Variants in PIK3CA observed in about 807,000 individuals in gnomAD.
PIK3CA encodes the protein phosphatidylinositol 4,5-bisphosphate 3-kinase catalytic subunit alpha isoform.
PIK3CA carries 27 observed loss-of-function variants against 138.2 expected under a neutral mutation model. That is an observed-to-expected ratio of 0.20 (90% confidence interval 0.14 to 0.27). The LOEUF (loss-of-function observed/expected upper bound fraction) is 0.27. PIK3CA is among the 10% of genes least tolerant of loss of function. PIK3CA has a pLI of 1.00. For synonymous variants in PIK3CA, 358 were observed against 413.2 expected, an observed-to-expected ratio of 0.87 and a Z score of 1.62; for missense variants, 544 against 1,277.4, an observed-to-expected ratio of 0.43 and a Z score of 8.75.
chr3:179,162,238 C>T (rs780187632), intron 1 of PIK3CA, among the ~76,000 whole-genome samples: 1 of 152,062 alleles, frequency 6.6e-6, no homozygotes. Flanking sequence ...TACACATGCA[C>T]AGATGATAGT....
intron 1 of PIK3CA, among the ~76,000 whole-genome samples, chr3:179,182,485 T>C (rs1723871980): frequency 6.6e-6 from 1 of 151,870 alleles, no homozygotes; most frequent in South Asian, 2.1e-4. Context: ...CTGGGCAACA[T>C]GGCGAGACCC....
At position 179,148,475 on chromosome 3, in the gene PIK3CA, C is replaced by A. The variant is rs1722911711; in HGVS notation, c.-205C>A. 1 of 149,826 alleles carries A rather than the reference C, an allele frequency of 6.7e-6. No homozygotes were observed. Among genetic ancestry groups the A allele is most frequent in the African/African-American group, 2.5e-5 (1 of 40,776 alleles). 9.3% of individuals were successfully genotyped at this position (149,826 alleles called of 1,614,324 possible). ...CGGGCCCGGCCGGGCAGCTCCGGAGCGGCGGGGGAGAGGGGCCGGGAGGCG... is the reference window on the plus strand; with the variant it reads ...CGGGCCCGGCCGGGCAGCTCCGGAGAGGCGGGGGAGAGGGGCCGGGAGGCG... On this transcript the variant is annotated 5_prime_UTR_variant, in exon 1 of 21. Coordinates refer to ENST00000263967, the MANE Select transcript of PIK3CA (RefSeq NM_006218.4).
At chr3:179,200,032 G>A in intron 3 of PIK3CA, 133 bp downstream of exon 3, 1 of 546,156 alleles carries the variant, frequency 1.8e-6, no homozygotes, top group South Asian at 2.9e-5. Context: ...TGCTTATACT[G>A]ACAAGATATA....
At chr3:179,225,302 C>T (rs996090152) in intron 16 of PIK3CA, among the ~76,000 whole-genome samples, 5 of 151,820 alleles carry the variant, frequency 3.3e-5, no homozygotes, top group Admixed American at 6.6e-5. Context: ...TGAATAATTA[C>T]AAAAATAAAA....
intron 2 of PIK3CA, among the ~76,000 whole-genome samples, chr3:179,199,441 A>C (rs1042965330): frequency 1.3e-5 from 2 of 152,000 alleles, no homozygotes; most frequent in Non-Finnish European, 2.9e-5. Flanking sequence ...TTCTTTTAAA[A>C]ATGATTGATA....
chr3:179,187,037 T>TC (rs1723999423), intron 1 of PIK3CA, among the ~76,000 whole-genome samples: 3 of 148,060 alleles, frequency 2.0e-5, no homozygotes, highest in Admixed American at 2.0e-4. Flanking sequence ...ATAAGGGAAG[T>TC]GTTTTTTTTT....
At chr3:179,210,394 C>T (rs1011956707) in intron 8 of PIK3CA, 37 bp from the exon 9 acceptor site, 3 of 1,597,040 alleles carry the variant, frequency 1.9e-6, no homozygotes, top group South Asian at 1.1e-5. Flanking sequence ...AACCTTCTCT[C>T]TTATGTATAT....
At position 179,218,332 on chromosome 3, in the gene PIK3CA, C is replaced by A. The variant is rs2108408479; in HGVS notation, c.1662C>A (p.His554Gln). The change falls in exon 10 of 21, where the codon CAC (histidine) becomes CAA (glutamine). Residue 554 changes from histidine to glutamine, a missense_variant and splice_region_variant. Transcript: ENST00000263967. Reference protein sequence around the residue: ...TEQEKDFLWSHRHYCVTIPEI... With the variant: ...TEQEKDFLWSQRHYCVTIPEI... ...AGGAGAAAGATTTTCTATGGAGTCA[C>A]AGGTAAGTGCTAAAATGGAGATTCT... 6.2e-7 allele frequency: 1 copy of A among 1,603,000 alleles called. No individual in the cohort carries two copies. Among genetic ancestry groups the A allele is most frequent in the South Asian group, 1.1e-5 (1 of 88,672 alleles).
chr3:179,148,796 G>A (rs183959683), intron 1 of PIK3CA, among the ~76,000 whole-genome samples, 193 bp downstream of exon 1: 35 of 152,286 alleles, frequency 2.3e-4, no homozygotes, highest in African/African-American at 7.9e-4. Context: ...TCTCCTAGCT[G>A]CAGAGGCGAG....
chr3:179,210,069 T>C, intron 7 of PIK3CA, 117 bp from the exon 8 acceptor site: 1 of 729,462 alleles, frequency 1.4e-6, no homozygotes. Context: ...AATTTTTTTT[T>C]TTTAGATATT....
chr3:179,156,614 A>G (rs1388225658), intron 1 of PIK3CA, among the ~76,000 whole-genome samples: 2 of 152,196 alleles, frequency 1.3e-5, no homozygotes, highest in Admixed American at 6.5e-5. Flanking sequence ...ATTGTATTTG[A>G]TCAGAAAGCA....
chr3:179,156,010 T>C (rs1240976457), intron 1 of PIK3CA, among the ~76,000 whole-genome samples: 1 of 152,214 alleles, frequency 6.6e-6, no homozygotes, highest in Non-Finnish European at 1.5e-5. Context: ...AATGCTGAGA[T>C]TCCTAGTATG....
Position 179,237,690 on chromosome 3 carries a change from T to G in PIK3CA, c.*3326T>G. On this transcript the variant is annotated 3_prime_UTR_variant, in exon 21 of 21. Transcript: ENST00000263967. ...TTGTGAGCAGCCTATTTGAAAGGCATCATGGAAATTTCACAGCACAATAAC... is the reference window on the plus strand; with the variant it reads ...TTGTGAGCAGCCTATTTGAAAGGCAGCATGGAAATTTCACAGCACAATAAC... The G allele has an allele frequency of 4.7e-6, 1 of 210,734 alleles. No homozygotes were observed. The highest frequency in any genetic ancestry group is 9.6e-6 in the Non-Finnish European group (1 of 103,732). The allele number at this position is 210,734 out of a possible 1,614,324, so 13.1% of individuals were successfully genotyped here.
At position 179,234,464 on chromosome 3, in the gene PIK3CA, A is replaced by G. The variant is rs200375221; in HGVS notation, c.*100A>G. On this transcript the variant is annotated 3_prime_UTR_variant, in exon 21 of 21. Transcript: ENST00000263967. The surrounding 1 kb of genome is among the most constrained non-coding windows in gnomAD (Gnocchi z 5.1). ...CGATTGCATAGGAATTGCACAATCC[A>G]TGAACAGCATTAGAATTTACAGCAA... 1.0e-5 allele frequency: 9 copies of G among 869,396 alleles called. No homozygotes were observed. The highest frequency in any genetic ancestry group is 2.0e-5 in the South Asian group (1 of 49,042). The allele number at this position is 869,396 out of a possible 1,614,324, so 53.9% of individuals were successfully genotyped here.
intron 1 of PIK3CA, among the ~76,000 whole-genome samples, chr3:179,186,811 C>T (rs1453973230): frequency 2.0e-5 from 3 of 152,150 alleles, no homozygotes; most frequent in South Asian, 2.1e-4. Context: ...CCGTATTTTG[C>T]ATTTCCTTTA....
At chr3:179,201,168 A>G in intron 3 of PIK3CA, 122 bp from the exon 4 acceptor site, 1 of 797,742 alleles carries the variant, frequency 1.3e-6, no homozygotes. Context: ...CCTAGTTTTA[A>G]TTGGGCTGAT....
At chr3:179,189,290 G>T (rs1724068617) in intron 1 of PIK3CA, among the ~76,000 whole-genome samples, 1 of 152,052 alleles carries the variant, frequency 6.6e-6, no homozygotes, top group Non-Finnish European at 1.5e-5. Context: ...TATTTACAGT[G>T]CTGCCAAACT....
At chr3:179,173,955 T>G (rs903049284) in intron 1 of PIK3CA, among the ~76,000 whole-genome samples, 3 of 151,590 alleles carry the variant, frequency 2.0e-5, no homozygotes, top group African/African-American at 7.3e-5. Context: ...CTCAAACTCC[T>G]GACCTCAGGT....
In PIK3CA at chr3:179,198,840, A is replaced by G. The variant is rs2108384979; in HGVS notation, c.15A>G (p.Pro5=). Residue 5 remains proline (P), a synonymous_variant, in exon 2 of 21, where the codon CCA becomes CCG. Coordinates refer to ENST00000263967, the MANE Select transcript of PIK3CA (RefSeq NM_006218.4). The part of the protein sequence containing the change: MPPR[P]SSGELWGIHL... The stretch of plus-strand genomic sequence containing the variant: ...GAATCAGAACAATGCCTCCACGACC[A>G]TCATCAGGTGAACTGTGGGGCATCC... 1 of 1,548,108 alleles carries G rather than the reference A, an allele frequency of 6.5e-7. No individual in the cohort carries two copies. The highest frequency in any genetic ancestry group is 8.7e-7 in the Non-Finnish European group (1 of 1,150,292).
Sources: allele counts gnomAD v4.1 joint callset (sites outside exome capture counted in the v4.1 genomes callset), GRCh38; gene constraint gnomAD v4.1.1; non-coding constraint Gnocchi (gnomAD v3.1); transcripts MANE v1.5; gene names NCBI Gene and HGNC (gene_info 2026-07-23, HGNC 2026-07-21).